Variants in ADAMTS2 observed in about 807,000 individuals in gnomAD.
The protein encoded by ADAMTS2 is A disintegrin and metalloproteinase with thrombospondin motifs 2.
Under a neutral mutation model 123.0 loss-of-function variants are expected in ADAMTS2, and 50 were observed. That is an observed-to-expected ratio of 0.41 (90% CI 0.32 to 0.51). The LOEUF is 0.51. ADAMTS2 is among the 20% of genes least tolerant of loss of function. ADAMTS2 has a pLI of 0.35. For missense variants in ADAMTS2, 1,494 were observed against 1,705.2 expected (o/e 0.88, Z 2.18); for synonymous variants, 678 against 695.4 (o/e 0.98, Z 0.39).
intron 5 of ADAMTS2, among the ~76,000 whole-genome samples, chr5:179,165,479 A>G (rs1763679982): frequency 6.6e-6 from 1 of 152,092 alleles, no homozygotes; most frequent in South Asian, 2.1e-4. Flanking sequence ...CTCCTCTAGG[A>G]AAGTCTGTCT....
chr5:179,215,075 A>G (rs1457730095), intron 3 of ADAMTS2, among the ~76,000 whole-genome samples: 2 of 152,242 alleles, frequency 1.3e-5, no homozygotes, highest in Non-Finnish European at 2.9e-5. Flanking sequence ...AAATTAATGC[A>G]GTGTATTATA....
intron 3 of ADAMTS2, among the ~76,000 whole-genome samples, chr5:179,226,453 T>G (rs708320): frequency 0.5 from 75,050 of 150,210 alleles, 21,052 homozygotes; most frequent in East Asian, 0.95. Flanking sequence ...TTTTTTGTAT[T>G]TTTAGTAGAG....
chr5:179,223,497 C>T (rs1307729604), intron 3 of ADAMTS2, among the ~76,000 whole-genome samples: 2 of 151,354 alleles, frequency 1.3e-5, no homozygotes, highest in Non-Finnish European at 2.9e-5. Flanking sequence ...CTCACACTCA[C>T]ATGCACACTC....
intron 4 of ADAMTS2, among the ~76,000 whole-genome samples, 196 bp downstream of exon 4, chr5:179,207,317 A>G (rs895536019): frequency 1.3e-5 from 2 of 152,186 alleles, no homozygotes; most frequent in South Asian, 2.1e-4. Context: ...TGCAGACGAG[A>G]GAACTGAGGT....
At chr5:179,145,356 A>G (rs1047528255) in intron 10 of ADAMTS2, among the ~76,000 whole-genome samples, 3 of 151,966 alleles carry the variant, frequency 2.0e-5, no homozygotes, top group African/African-American at 2.4e-5. Context: ...ATAAAATCCA[A>G]TGATTCCATT....
intron 3 of ADAMTS2, among the ~76,000 whole-genome samples, chr5:179,209,521 TGCACACACACAC>T (rs1028190537): frequency 7.1e-6 from 1 of 140,340 alleles, no homozygotes; most frequent in Non-Finnish European, 1.5e-5. Flanking sequence ...CACACACACA[TGCACACACACAC>T]ACATGCACAC....
At chr5:179,261,036 A>C (rs1205485856) in intron 3 of ADAMTS2, among the ~76,000 whole-genome samples, 1 of 152,184 alleles carries the variant, frequency 6.6e-6, no homozygotes, top group Non-Finnish European at 1.5e-5. Context: ...TCAGCTACAG[A>C]AAAACAGACT....
In ADAMTS2 at chr5:179,118,626, C is replaced by T. The variant is rs1484078678; in HGVS notation, c.3178+3035G>A. On this transcript the variant is annotated intron_variant, in intron 21 of 21. Transcript: ENST00000251582. This position sits in a 1 kb window ranked among gnomAD's most constrained non-coding sequence, Gnocchi z 4.5. ...TTTAGAAGACCTTATACTATTACCA[C>T]TCATGGAAAGCTACTGCAGTGAACA... is the stretch of plus-strand genomic sequence containing the variant. Among the ~76,000 whole-genome samples, 2 of 152,130 alleles carry T rather than the reference C, an allele frequency of 1.3e-5. No individual in the cohort carries two copies. The highest frequency in any genetic ancestry group is 4.8e-5 in the African/African-American group (2 of 41,414).
chr5:179,254,239 G>A (rs187020143), intron 3 of ADAMTS2, among the ~76,000 whole-genome samples: 5 of 152,280 alleles, frequency 3.3e-5, no homozygotes, highest in Non-Finnish European at 5.9e-5. Context: ...CCATGACAAG[G>A]GGCCCTGGAG....
At chr5:179,221,045 G>A (rs1765112847) in intron 3 of ADAMTS2, among the ~76,000 whole-genome samples, 1 of 152,178 alleles carries the variant, frequency 6.6e-6, no homozygotes, top group Admixed American at 6.5e-5. Flanking sequence ...CAGTGCTGGG[G>A]TGCTGCAGCC....
At chr5:179,250,015 G>T (rs895831116) in intron 3 of ADAMTS2, among the ~76,000 whole-genome samples, 1 of 152,140 alleles carries the variant, frequency 6.6e-6, no homozygotes, top group African/African-American at 2.4e-5. Flanking sequence ...ATTTATCCGT[G>T]GAATGCAAGA....
intron 1 of ADAMTS2, 65 bp from the exon 2 acceptor site, chr5:179,344,226 G>A: frequency 6.6e-7 from 1 of 1,518,956 alleles, no homozygotes; most frequent in Non-Finnish European, 8.8e-7. Flanking sequence ...GAGACCCGCC[G>A]GCAAGCCACG....
intron 2 of ADAMTS2, among the ~76,000 whole-genome samples, chr5:179,309,630 C>T (rs1756770471): frequency 6.6e-6 from 1 of 152,060 alleles, no homozygotes; most frequent in Non-Finnish European, 1.5e-5. Context: ...TGGTGGCACG[C>T]ACCGGTAACC....
chr5:179,328,776 C>T (rs1352201148), intron 2 of ADAMTS2, among the ~76,000 whole-genome samples: 1 of 152,194 alleles, frequency 6.6e-6, no homozygotes, highest in East Asian at 1.9e-4. Flanking sequence ...ATGGCAATAA[C>T]ATTCTAAGTC....
chr5:179,150,418 G>A (rs1009566390), intron 10 of ADAMTS2, among the ~76,000 whole-genome samples: 22 of 152,272 alleles, frequency 1.4e-4, no homozygotes, highest in African/African-American at 5.3e-4. Context: ...ATTAAGTCTG[G>A]GCACATCTTA....
At position 179,332,439 on chromosome 5, in the gene ADAMTS2, G is replaced by A. The variant is rs1265149317; in HGVS notation, c.534+11328C>T. 6.6e-6 allele frequency among the ~76,000 whole-genome samples: 1 copy of A among 152,226 alleles called. No individual in the cohort carries two copies. Among genetic ancestry groups the A allele is most frequent in the Non-Finnish European group, 1.5e-5 (1 of 68,046 alleles). On this transcript the variant is annotated intron_variant, in intron 2 of 21. Coordinates refer to ENST00000251582, the MANE Select transcript of ADAMTS2 (RefSeq NM_014244.5). This position sits in a 1 kb window ranked among gnomAD's most constrained non-coding sequence, Gnocchi z 4.2. ...GAAACTCTTATATCAGGAACAAGGG[G>A]ACTCAGACCAAATCTGATAATAAAA...
At chr5:179,219,062 A>G (rs572533806) in intron 3 of ADAMTS2, among the ~76,000 whole-genome samples, 4 of 152,110 alleles carry the variant, frequency 2.6e-5, no homozygotes, top group Non-Finnish European at 5.9e-5. Context: ...ATGGGGAGCC[A>G]ATCCCACTGC....
intron 10 of ADAMTS2, chr5:179,151,053 C>T (rs1437255362): frequency 2.5e-5 from 7 of 285,630 alleles, no homozygotes; most frequent in Admixed American, 2.0e-4. Flanking sequence ...CCCACCACCG[C>T]GCCCAGCTAA....
At chr5:179,335,718 C>T (rs1404298888) in intron 2 of ADAMTS2, among the ~76,000 whole-genome samples, 5 of 152,194 alleles carry the variant, frequency 3.3e-5, no homozygotes, top group Admixed American at 6.5e-5. Context: ...AGCTCTGTCC[C>T]AATCAGAATG....
Sources: allele counts gnomAD v4.1 joint callset (sites outside exome capture counted in the v4.1 genomes callset), GRCh38; gene constraint gnomAD v4.1.1; non-coding constraint Gnocchi (gnomAD v3.1); transcripts MANE v1.5; gene names NCBI Gene and HGNC (gene_info 2026-07-23, HGNC 2026-07-21).